Variants in ALKBH8 observed in about 807,000 individuals in gnomAD.
ALKBH8 encodes the protein tRNA (carboxymethyluridine(34)-5-O)-methyltransferase ALKBH8.
In ALKBH8, 36 loss-of-function variants were observed where a neutral mutation model predicts 59.8. The observed-to-expected ratio is 0.60, with a 90% CI of 0.46 to 0.79. The LOEUF is 0.79. Among genes scored for constraint, ALKBH8 ranks in the 30% least tolerant of loss-of-function variants. ALKBH8 has a pLI of 0.00. For missense variants in ALKBH8, 768 were observed against 801.0 expected (o/e 0.96, Z 0.50); for synonymous variants, 276 against 273.6 (o/e 1.01, Z -0.09).
chr11:107,511,423 A>C (rs1454674122), intron 10 of ALKBH8, among the ~76,000 whole-genome samples: 1 of 152,180 alleles, frequency 6.6e-6, no homozygotes, highest in Non-Finnish European at 1.5e-5. Context: ...GGGGAGCTGC[A>C]AATAAGATGT....
At chr11:107,514,025 T>C (rs941077435) in intron 10 of ALKBH8, among the ~76,000 whole-genome samples, 8 of 152,070 alleles carry the variant, frequency 5.3e-5, no homozygotes, top group African/African-American at 1.4e-4. Flanking sequence ...AACCTGCACA[T>C]GTACGCTTGA....
chr11:107,549,939 G>A, intron 6 of ALKBH8, 116 bp from the exon 7 acceptor site: 4 of 683,394 alleles, frequency 5.9e-6, no homozygotes, highest in Non-Finnish European at 9.5e-6. Context: ...AATCAGGAAG[G>A]TACTATAATT....
chr11:107,510,441 G>T (rs982012175), intron 11 of ALKBH8, among the ~76,000 whole-genome samples: 1 of 152,126 alleles, frequency 6.6e-6, no homozygotes, highest in Non-Finnish European at 1.5e-5. Context: ...GAATGGGAAA[G>T]AAGTAACACT....
intron 10 of ALKBH8, among the ~76,000 whole-genome samples, chr11:107,520,569 C>T (rs187543792): frequency 7.2e-5 from 11 of 152,084 alleles, no homozygotes; most frequent in Non-Finnish European, 1.2e-4. Context: ...CATTTTTGGA[C>T]GTATCTTTAG....
At chr11:107,519,488 T>C (rs1057412432) in intron 10 of ALKBH8, among the ~76,000 whole-genome samples, 1 of 152,142 alleles carries the variant, frequency 6.6e-6, no homozygotes, top group Non-Finnish European at 1.5e-5. Flanking sequence ...ACTGGTAATA[T>C]ACAGTTTAAA....
intron 11 of ALKBH8, among the ~76,000 whole-genome samples, 160 bp from the exon 12 acceptor site, chr11:107,505,375 G>T (rs970208973): frequency 1.4e-4 from 21 of 152,140 alleles, no homozygotes; most frequent in African/African-American, 5.1e-4. Context: ...AGAGCATTCT[G>T]TTCTGTGATT....
Position 107,504,697 on chromosome 11 carries a change from G to T in ALKBH8, c.1956C>A (p.Tyr652Ter), listed in dbSNP as rs1045057865. Reference protein sequence around the residue: ...VSDVRILQSYYDQGNWCVILQ... With the variant: ...VSDVRILQSY ...GAATCACACACCAGTTTCCTTGATC[G>T]TAGTAGCTTTGCAGAATTCTGACAT... The change falls in exon 12 of 12, where the codon TAC (tyrosine) becomes TAA (stop). Residue 652 changes from tyrosine to a stop codon, truncating the protein, a stop_gained. Coordinates refer to ENST00000428149, the MANE Select transcript of ALKBH8 (RefSeq NM_138775.3). LOFTEE classifies it high-confidence loss of function. 1.3e-6 allele frequency: 2 copies of T among 1,550,484 alleles called. No homozygotes were observed. Among genetic ancestry groups the T allele is most frequent in the Non-Finnish European group, 1.7e-6 (2 of 1,146,414 alleles).
intron 10 of ALKBH8, among the ~76,000 whole-genome samples, chr11:107,519,032 T>TGGCCTCAAGCGATCCTCCC (rs1394714425): frequency 6.6e-6 from 1 of 152,210 alleles, no homozygotes; most frequent in Non-Finnish European, 1.5e-5. Flanking sequence ...CTTGAACTCC[T>TGGCCTCAAGCGATCCTCCC]GGCCTCAAGC....
chr11:107,504,742 A>C lies in ALKBH8; in HGVS notation c.1911T>G (p.Gly637=). 1 of 1,552,146 alleles carries C rather than the reference A, an allele frequency of 6.4e-7. No homozygotes were observed. Among genetic ancestry groups the C allele is most frequent in the Non-Finnish European group, 8.7e-7 (1 of 1,147,072 alleles). The change falls in exon 12 of 12, where the codon GGT becomes GGG. Residue 637 remains glycine, a synonymous_variant. Transcript: ENST00000428149. ...YHVFREGELE[G]ACRTVSDVRI... Reference sequence around the variant, plus strand: ...TGACATCACTCACAGTCCTGCAGGCACCTTCCAGTTCTCCCTCACGGAACA... The same window carrying C: ...TGACATCACTCACAGTCCTGCAGGCCCCTTCCAGTTCTCCCTCACGGAACA...
chr11:107,547,780 T>G (rs1450570392), intron 7 of ALKBH8, among the ~76,000 whole-genome samples: 2 of 152,250 alleles, frequency 1.3e-5, no homozygotes, highest in East Asian at 1.9e-4. Context: ...TCATAACTTA[T>G]GCACACTTTC....
intron 7 of ALKBH8, among the ~76,000 whole-genome samples, chr11:107,540,018 G>C (rs964292643): frequency 6.6e-6 from 1 of 152,182 alleles, no homozygotes; most frequent in African/African-American, 2.4e-5. Flanking sequence ...GCGATGAAGT[G>C]TTACGGGCAG....
At chr11:107,565,512 G>T in intron 1 of ALKBH8, 89 bp downstream of exon 1, 2 of 1,524,764 alleles carry the variant, frequency 1.3e-6, no homozygotes, top group Admixed American at 2.0e-5. Context: ...GCCCTAGCTG[G>T]CAAGGCGGAT....
intron 1 of ALKBH8, chr11:107,565,169 C>T (rs1207278173): frequency 5.5e-6 from 1 of 180,376 alleles, no homozygotes; most frequent in Non-Finnish European, 1.2e-5. Context: ...TACCAGAGGT[C>T]CAGGAGTCGC....
intron 7 of ALKBH8, among the ~76,000 whole-genome samples, chr11:107,541,655 A>G (rs1864040497): frequency 6.6e-6 from 1 of 152,220 alleles, no homozygotes; most frequent in Non-Finnish European, 1.5e-5. Flanking sequence ...ATCTAGCTAA[A>G]TAACAAAATC....
At chr11:107,549,269 C>T (rs1169184493) in intron 7 of ALKBH8, among the ~76,000 whole-genome samples, 1 of 152,204 alleles carries the variant, frequency 6.6e-6, no homozygotes, top group African/African-American at 2.4e-5. Context: ...AATGAATAAA[C>T]ATGAACCTCT....
chr11:107,549,050 A>C (rs1864387172), intron 7 of ALKBH8, among the ~76,000 whole-genome samples: 1 of 152,010 alleles, frequency 6.6e-6, no homozygotes. Flanking sequence ...ACGGGGTTTC[A>C]CCGTGTTAGC....
At chr11:107,521,257 C>T (rs1233161273) in intron 10 of ALKBH8, among the ~76,000 whole-genome samples, 1 of 152,174 alleles carries the variant, frequency 6.6e-6, no homozygotes, top group African/African-American at 2.4e-5. Context: ...AGAACAGCCA[C>T]TGTTGCTCAT....
intron 2 of ALKBH8, among the ~76,000 whole-genome samples, chr11:107,558,805 G>A (rs955975532): frequency 2.0e-4 from 31 of 152,310 alleles, no homozygotes; most frequent in African/African-American, 7.2e-4. Context: ...TATGTATGAA[G>A]TAGAGAATGT....
rs1167836331 is a variant in ALKBH8 at position 107,557,009 on chromosome 11, A to C, written c.130-6T>G. The C allele has an allele frequency of 4.6e-6, 7 of 1,535,134 alleles. No homozygotes were observed. The highest frequency in any genetic ancestry group is 6.1e-6 in the Non-Finnish European group (7 of 1,141,482). Reference sequence around the variant, plus strand: ...CCATTGGCAACAACCAGGCTCTTAAAAAACAAACAAACAAACAAAAAGAAA... The same window carrying C: ...CCATTGGCAACAACCAGGCTCTTAACAAACAAACAAACAAACAAAAAGAAA... On this transcript the variant is annotated splice_region_variant and splice_polypyrimidine_tract_variant and intron_variant, in intron 2 of 11. Coordinates refer to ENST00000428149, the MANE Select transcript of ALKBH8 (RefSeq NM_138775.3).
Sources: gnomAD v4.1 joint callset for allele counts (sites outside exome capture counted in the v4.1 genomes callset) on GRCh38, gnomAD v4.1.1 for gene constraint, MANE v1.5 for transcripts, NCBI Gene and HGNC (gene_info 2026-07-23, HGNC 2026-07-21) for gene names.